Variants in GALNT13 observed in about 807,000 individuals in gnomAD.
GALNT13 encodes UDP-GalNAc:polypeptide N-acetylgalactosaminyltransferase 13.
A neutral mutation model predicts 64.2 loss-of-function variants in GALNT13; 28 were observed. The observed-to-expected ratio is 0.44, with a 90% CI of 0.32 to 0.60. The LOEUF (loss-of-function observed/expected upper bound fraction) is 0.60. Ranked by LOEUF, GALNT13 falls within the 20% of genes least tolerant of loss-of-function variation. The pLI, the probability that GALNT13 is intolerant of heterozygous loss-of-function variation, is 0.05. For synonymous variants in GALNT13, 214 were observed against 224.6 expected (o/e 0.95, Z 0.42); for missense variants, 577 against 669.8 (o/e 0.86, Z 1.53).
intron 2 of GALNT13, among the ~76,000 whole-genome samples, chr2:153,914,862 C>A (rs1689223133): frequency 6.6e-6 from 1 of 152,080 alleles, no homozygotes; most frequent in Non-Finnish European, 1.5e-5. Flanking sequence ...CTGGACAATC[C>A]TCCAGTGGTA....
intron 3 of GALNT13, among the ~76,000 whole-genome samples, chr2:154,059,072 G>T (rs1700042187): frequency 6.6e-6 from 1 of 152,192 alleles, no homozygotes; most frequent in Admixed American, 6.5e-5. Context: ...TGATGGTTAA[G>T]ATTTGAGGTA....
the GALNT13 span, among the ~76,000 whole-genome samples, chr2:153,569,522 T>A: frequency 1.4e-5 from 1 of 71,246 alleles, no homozygotes; most frequent in Non-Finnish European, 3.8e-5. Flanking sequence ...TATTCTTTTT[T>A]TTTTAAAAAA....
the GALNT13 span, among the ~76,000 whole-genome samples, chr2:153,162,187 A>G: frequency 6.6e-6 from 1 of 152,144 alleles, no homozygotes; most frequent in Non-Finnish European, 1.5e-5. Context: ...GGTATCAGTC[A>G]CTTTTTAGCC....
chr2:154,016,480 C>T (rs888113816), intron 3 of GALNT13, among the ~76,000 whole-genome samples: 1 of 152,098 alleles, frequency 6.6e-6, no homozygotes, highest in Non-Finnish European at 1.5e-5. Flanking sequence ...TGCAGTGGTG[C>T]GATCTCAGCT....
At chr2:153,294,412 T>C in the GALNT13 span, among the ~76,000 whole-genome samples, 1 of 152,226 alleles carries the variant, frequency 6.6e-6, no homozygotes, top group Non-Finnish European at 1.5e-5. Context: ...TGTGCATCTA[T>C]AATCTCAGTG....
chr2:153,476,572 C>T, the GALNT13 span, among the ~76,000 whole-genome samples: 1 of 152,146 alleles, frequency 6.6e-6, no homozygotes, highest in African/African-American at 2.4e-5. Context: ...TTAAATGTGT[C>T]AACGGCCATC....
chr2:153,528,426 T>C, the GALNT13 span, among the ~76,000 whole-genome samples: 23 of 152,094 alleles, frequency 1.5e-4, no homozygotes, highest in Middle Eastern at 0.017. Flanking sequence ...CTCAGATATA[T>C]AAAGCAAATA....
chr2:153,725,691 A>C, the GALNT13 span, among the ~76,000 whole-genome samples: 1 of 152,190 alleles, frequency 6.6e-6, no homozygotes, highest in African/African-American at 2.4e-5. Context: ...CCAGCTTCAC[A>C]GATGCTACTT....
At chr2:153,922,314 C>A (rs1689813925) in intron 2 of GALNT13, among the ~76,000 whole-genome samples, 1 of 152,118 alleles carries the variant, frequency 6.6e-6, no homozygotes, top group South Asian at 2.1e-4. Context: ...CTTCTGATGT[C>A]AGTCAGTTGT....
intron 8 of GALNT13, among the ~76,000 whole-genome samples, chr2:154,273,642 ATACT>A (rs1295161686): frequency 6.6e-6 from 1 of 152,186 alleles, no homozygotes; most frequent in Non-Finnish European, 1.5e-5. Flanking sequence ...AGATACACAA[ATACT>A]TACCATTGTG....
the GALNT13 span, among the ~76,000 whole-genome samples, chr2:153,759,499 A>G: frequency 6.6e-6 from 1 of 152,040 alleles, no homozygotes; most frequent in Admixed American, 6.6e-5. Flanking sequence ...ATCCATTGGG[A>G]GATTTTATCA....
Position 154,149,236 on chromosome 2 carries a change from G to A in GALNT13, c.311+8731G>A, listed in dbSNP as rs148614153. On this transcript the variant is annotated intron_variant, in intron 4 of 12. Coordinates refer to ENST00000392825, the MANE Select transcript of GALNT13 (RefSeq NM_052917.4). ...CAGGTTTATCAAAGATCAGATAGTTGTAGATATGCGGCGTTATTTCTGAGG... is the reference window on the plus strand; with the variant it reads ...CAGGTTTATCAAAGATCAGATAGTTATAGATATGCGGCGTTATTTCTGAGG... 4.5e-3 allele frequency among the ~76,000 whole-genome samples: 678 copies of A among 152,232 alleles called. 8 individuals are homozygous for A. Among genetic ancestry groups the A allele is most frequent in the African/African-American group, 0.015 (636 of 41,512 alleles).
the GALNT13 span, among the ~76,000 whole-genome samples, chr2:153,184,731 G>A: frequency 2.0e-5 from 3 of 152,068 alleles, no homozygotes; most frequent in Non-Finnish European, 4.4e-5. Flanking sequence ...ATAATCATGT[G>A]GTTTTGTCTT....
intron 4 of GALNT13, among the ~76,000 whole-genome samples, chr2:154,145,082 A>C (rs75768688): frequency 0.07 from 7,365 of 104,556 alleles, 338 homozygotes; most frequent in African/African-American, 0.14. Context: ...CTATCTATCT[A>C]TCTATCTATC....
chr2:153,369,479 A>G, the GALNT13 span, among the ~76,000 whole-genome samples: 1 of 152,178 alleles, frequency 6.6e-6, no homozygotes, highest in East Asian at 1.9e-4. Flanking sequence ...AGAAAATATC[A>G]TTGCAGACAT....
Position 154,041,917 on chromosome 2 carries a change from G to A in GALNT13, c.142+97278G>A, listed in dbSNP as rs111285090. On this transcript the variant is annotated intron_variant, in intron 3 of 12. Coordinates refer to ENST00000392825, the MANE Select transcript of GALNT13 (RefSeq NM_052917.4). ...CACCAACCAAAAATAAGATTGAACCGAGATATGATTTTTAGTAAACTTGGT... is the reference window on the plus strand; with the variant it reads ...CACCAACCAAAAATAAGATTGAACCAAGATATGATTTTTAGTAAACTTGGT... Among the ~76,000 whole-genome samples the A allele has an allele frequency of 6.4e-5, 9 of 140,016 alleles. 1 individual carries two copies. The highest frequency in any genetic ancestry group is 2.2e-4 in the African/African-American group (9 of 40,948). 91.9% of individuals were successfully genotyped at this position (140,016 alleles called of 152,430 possible). A position where few individuals can be genotyped will look rare whatever the true frequency, so the allele number is the denominator to read the frequency against.
At chr2:154,199,974 A>G (rs1687085104) in intron 4 of GALNT13, among the ~76,000 whole-genome samples, 1 of 151,974 alleles carries the variant, frequency 6.6e-6, no homozygotes, top group Non-Finnish European at 1.5e-5. Context: ...AGAGATATGC[A>G]CAGTTGCATG....
chr2:153,707,365 G>A, the GALNT13 span, among the ~76,000 whole-genome samples: 2 of 152,046 alleles, frequency 1.3e-5, no homozygotes, highest in Admixed American at 1.3e-4. Flanking sequence ...ACTGAAAAAA[G>A]CCAAACCAAC....
chr2:154,060,801 C>CT (rs1700139392), intron 3 of GALNT13, among the ~76,000 whole-genome samples: 1 of 151,924 alleles, frequency 6.6e-6, no homozygotes, highest in Non-Finnish European at 1.5e-5. Flanking sequence ...TTTTAATTGA[C>CT]TAAACACAAG....
Sources: gnomAD v4.1 joint callset for allele counts (sites outside exome capture counted in the v4.1 genomes callset) on GRCh38, gnomAD v4.1.1 for gene constraint, MANE v1.5 for transcripts, NCBI Gene and HGNC (gene_info 2026-07-23, HGNC 2026-07-21) for gene names.